The following EXTL3 variants were observed in gnomAD, a reference collection of about 807,000 sequenced individuals.
EXTL3 encodes the protein exostosin-like 3.
EXTL3 carries 27 observed loss-of-function variants against 69.3 expected under a neutral mutation model. The observed-to-expected ratio is 0.39, with a 90% CI of 0.29 to 0.54. EXTL3 has a LOEUF of 0.54. EXTL3 is among the 20% of genes least tolerant of loss of function. EXTL3 has a pLI of 0.69. For synonymous variants in EXTL3, 511 were observed against 499.4 expected (o/e 1.02, Z -0.31); for missense variants, 1,003 against 1,231.8 (o/e 0.81, Z 2.78).
In EXTL3 at chr8:28,750,756, G is replaced by A. The variant is rs141463126; in HGVS notation, c.2650G>A (p.Val884Met). The change falls in exon 7 of 7, where the codon GTG (valine) becomes ATG (methionine). Residue 884 changes from valine (V) to methionine (M), a missense_variant. Physicochemically the swap from Val to Met is conservative, Grantham distance 21. This residue lies in a region of EXTL3 where 261 missense variants were observed against 416.4 expected (regional missense o/e 0.63). Coordinates refer to ENST00000220562, the MANE Select transcript of EXTL3 (RefSeq NM_001440.4). The surrounding 1 kb of genome is among the most constrained non-coding windows in gnomAD (Gnocchi z 5.2). The part of the protein sequence containing the change: ...HERHKCINFF[V>M]KVYGYMPLLY... ...GCGGCACAAGTGCATCAACTTCTTC[G>A]TGAAGGTGTACGGCTACATGCCCCT... 40 of 1,614,028 alleles carry A rather than the reference G, an allele frequency of 2.5e-5. No individual in the cohort carries two copies. Among genetic ancestry groups the A allele is most frequent in the East Asian group, 8.9e-5 (4 of 44,898 alleles).
chr8:28,637,941 G>A (rs1270461032), intron 1 of EXTL3, among the ~76,000 whole-genome samples: 5 of 152,142 alleles, frequency 3.3e-5, no homozygotes, highest in Admixed American at 1.3e-4. Context: ...CCAATTCCCT[G>A]CTGCTAAACC....
chr8:28,712,887 TC>T (rs1801059739), intron 1 of EXTL3, among the ~76,000 whole-genome samples: 1 of 152,220 alleles, frequency 6.6e-6, no homozygotes, highest in Admixed American at 6.5e-5. Flanking sequence ...TTTAATAACC[TC>T]TGTTTAGACT....
At chr8:28,624,057 C>A (rs1263631275) in intron 1 of EXTL3, among the ~76,000 whole-genome samples, 1 of 152,184 alleles carries the variant, frequency 6.6e-6, no homozygotes, top group East Asian at 1.9e-4. Flanking sequence ...GAAGAAAATT[C>A]TTTCCAATTG....
At chr8:28,704,124 A>T (rs1402175466) in intron 1 of EXTL3, among the ~76,000 whole-genome samples, 1 of 152,198 alleles carries the variant, frequency 6.6e-6, no homozygotes, top group African/African-American at 2.4e-5. Context: ...AGCAGGATTT[A>T]AAAAACCTGT....
intron 1 of EXTL3, among the ~76,000 whole-genome samples, chr8:28,643,244 A>G (rs1806772209): frequency 6.6e-6 from 1 of 152,026 alleles, no homozygotes; most frequent in Non-Finnish European, 1.5e-5. Flanking sequence ...ACTCCATCTC[A>G]AAAAACAAAA....
chr8:28,691,840 T>A (rs1017263765), intron 1 of EXTL3, among the ~76,000 whole-genome samples: 1 of 151,606 alleles, frequency 6.6e-6, no homozygotes, highest in African/African-American at 2.4e-5. Flanking sequence ...GAAGTTGTGG[T>A]GTGCCGAGAT....
chr8:28,663,181 T>G (rs1267064187), intron 1 of EXTL3, among the ~76,000 whole-genome samples: 8 of 152,210 alleles, frequency 5.3e-5, no homozygotes, highest in Admixed American at 5.2e-4. Context: ...TCAGTCCTTG[T>G]GGTTATATGT....
At chr8:28,730,396 C>T (rs560504469) in intron 3 of EXTL3, among the ~76,000 whole-genome samples, 183 of 152,264 alleles carry the variant, frequency 1.2e-3, no homozygotes, top group African/African-American at 4.4e-3. Flanking sequence ...TAAAATGAGC[C>T]ATCCAAGTAC....
At chr8:28,651,099 A>G (rs920222677) in intron 1 of EXTL3, among the ~76,000 whole-genome samples, 1 of 152,016 alleles carries the variant, frequency 6.6e-6, no homozygotes, top group Non-Finnish European at 1.5e-5. Flanking sequence ...AGCATCCCTA[A>G]TCCCAAACTG....
intron 1 of EXTL3, among the ~76,000 whole-genome samples, chr8:28,656,700 A>T (rs1379866595): frequency 1.3e-5 from 2 of 152,126 alleles, no homozygotes; most frequent in African/African-American, 4.8e-5. Context: ...TACTGACTTC[A>T]TGTAAAGCCT....
In EXTL3 at chr8:28,682,055, G is replaced by A. The variant is rs148487493; in HGVS notation, c.-52-31402G>A. 6.0e-3 allele frequency among the ~76,000 whole-genome samples: 906 copies of A among 152,250 alleles called. 8 individuals carry two copies. The highest frequency in any genetic ancestry group is 0.021 in the African/African-American group (869 of 41,544). Reference sequence around the variant, plus strand: ...GTCTGGGCAACAAGAGCGAAACTCCGTCTCAAACAACAACAATATATAAGG... The same window carrying A: ...GTCTGGGCAACAAGAGCGAAACTCCATCTCAAACAACAACAATATATAAGG... On this transcript the variant is annotated intron_variant, in intron 1 of 6. Transcript: ENST00000523149.
chr8:28,741,424 TA>T (rs1385808914), intron 5 of EXTL3: 2 of 152,318 alleles, frequency 1.3e-5, no homozygotes, highest in East Asian at 3.9e-4. Flanking sequence ...TTACCTTTTT[TA>T]AAAAGTGTAT....
Position 28,716,148 on chromosome 8 carries a change from C to G in EXTL3, c.89C>G (p.Thr30Arg). 6.2e-7 allele frequency: 1 copy of G among 1,614,100 alleles called. No individual in the cohort carries two copies. The highest frequency in any genetic ancestry group is 8.5e-7 in the Non-Finnish European group (1 of 1,180,044). ...CGCTGGTCCAACCGCATCCGCCTCA[C>G]GTGGCTCAGCTTCACGCTCTTTGTC... ...MLRWSNRIRL[T>R]WLSFTLFVIL... Residue 30 changes from threonine to arginine, a missense_variant, in exon 3 of 7, where the codon ACG becomes AGG. Thr to Arg is a moderately conservative substitution (Grantham distance 71, BLOSUM62 -1). Around this residue, in one of 2 missense-constraint regions of EXTL3, gnomAD observed 742 missense variants for 815.4 expected, o/e 0.91. Coordinates refer to ENST00000220562, the MANE Select transcript of EXTL3 (RefSeq NM_001440.4). The surrounding 1 kb of genome is among the most constrained non-coding windows in gnomAD (Gnocchi z 7.1).
chr8:28,708,779 T>C (rs967440939), intron 1 of EXTL3, among the ~76,000 whole-genome samples: 1 of 152,154 alleles, frequency 6.6e-6, no homozygotes, highest in Admixed American at 6.5e-5. Flanking sequence ...GTTCTGCCAC[T>C]TGATGGGCCT....
intron 1 of EXTL3, among the ~76,000 whole-genome samples, chr8:28,702,254 G>T (rs1800823114): frequency 6.6e-6 from 1 of 152,176 alleles, no homozygotes; most frequent in African/African-American, 2.4e-5. Flanking sequence ...CAGAGGAGCC[G>T]CTTCCTGTCC....
chr8:28,662,834 C>T (rs1807137629), intron 1 of EXTL3, among the ~76,000 whole-genome samples: 1 of 152,148 alleles, frequency 6.6e-6, no homozygotes, highest in Non-Finnish European at 1.5e-5. Context: ...TCCTTGAACC[C>T]AGGAGGTCCA....
rs1216444416 is a variant in EXTL3 at position 28,716,432 on chromosome 8, A to G, written c.373A>G (p.Lys125Glu). 6.2e-7 allele frequency: 1 copy of G among 1,613,762 alleles called. No individual in the cohort carries two copies. The highest frequency in any genetic ancestry group is 8.5e-7 in the Non-Finnish European group (1 of 1,179,990). ...CTGTAAGAAGAGCATTGAGAACGCC[A>G]AGCAGGACCTGCTCCAGCTCAAGAA... ...EACKKSIENA[K>E]QDLLQLKNVI... is the part of the protein sequence containing the mutation. Residue 125 changes from lysine to glutamate, a missense_variant, in exon 3 of 7, where the codon AAG (lysine) becomes GAG (glutamate). Coordinates refer to ENST00000220562, the MANE Select transcript of EXTL3 (RefSeq NM_001440.4). The surrounding 1 kb of genome is among the most constrained non-coding windows in gnomAD (Gnocchi z 7.1).
chr8:28,622,626 G>A (rs1474219730), upstream of EXTL3: 1 of 150,392 alleles, frequency 6.6e-6, no homozygotes, highest in Non-Finnish European at 1.5e-5. Context: ...TCGGGGGGCG[G>A]AGCCGGGAGC....
chr8:28,637,230 T>C (rs1032142489), intron 1 of EXTL3: 8 of 152,212 alleles, frequency 5.3e-5, no homozygotes, highest in Non-Finnish European at 7.3e-5. Flanking sequence ...ACGGTTTCTA[T>C]TAATCAACTG....
Sources: allele counts gnomAD v4.1 joint callset (sites outside exome capture counted in the v4.1 genomes callset), GRCh38; gene constraint gnomAD v4.1.1; regional missense constraint gnomAD v4.1.1; non-coding constraint Gnocchi (gnomAD v3.1); transcripts MANE v1.5; gene names NCBI Gene and HGNC (gene_info 2026-07-23, HGNC 2026-07-21).